CALR3: variants seen among roughly 807,000 people sequenced by gnomAD.
CALR3 encodes the protein calreticulin 3.
A neutral mutation model predicts 48.7 loss-of-function variants in CALR3; 39 were observed. The observed-to-expected ratio is 0.80, with a 90% CI of 0.62 to 1.05. The LOEUF is 1.05. CALR3 is among the 50% of genes least tolerant of loss of function. The probability of loss-of-function intolerance (pLI) is 0.00; values close to 1 mark genes in which losing one functional copy is unlikely to be tolerated. For synonymous variants in CALR3, 185 were observed against 172.7 expected, an observed-to-expected ratio of 1.07 and a Z score of -0.56; for missense variants, 449 against 474.7, an observed-to-expected ratio of 0.95 and a Z score of 0.50.
In CALR3 at chr19:16,482,476, C is replaced by A; in HGVS notation, c.892G>T (p.Gly298Cys). 1 of 1,614,228 alleles carries A rather than the reference C, an allele frequency of 6.2e-7. No homozygotes were observed. Among genetic ancestry groups the A allele is most frequent in the Non-Finnish European group, 8.5e-7 (1 of 1,180,032 alleles). ...QYDLSEFENI[G>C]AIGLELWQVR... ...TGCCAAAGCTCCAGGCCAATGGCAC[C>A]AATGTTCTCAAATTCTGAGAGGTCA... is the stretch of plus-strand genomic sequence containing the variant. Residue 298 changes from glycine to cysteine, a missense_variant, in exon 7 of 9, where the codon GGT (glycine) becomes TGT (cysteine). Physicochemically the swap from Gly to Cys is radical, Grantham distance 159 (BLOSUM62 -3). Transcript: ENST00000269881.
chr19:16,490,310 A>G, intron 3 of CALR3, 57 bp downstream of exon 3: 1 of 1,472,028 alleles, frequency 6.8e-7, no homozygotes, highest in Non-Finnish European at 9.5e-7. Context: ...AGATCCTGTG[A>G]AGTGGGAGGG....
intron 3 of CALR3, among the ~76,000 whole-genome samples, chr19:16,486,133 T>G (rs966689820): frequency 2.0e-5 from 3 of 151,746 alleles, no homozygotes; most frequent in Admixed American, 6.6e-5. Flanking sequence ...CTGGCCAACA[T>G]GGTAAAACCC....
Position 16,479,099 on chromosome 19 carries a change from T to C in CALR3, c.*32A>G. On this transcript the variant is annotated 3_prime_UTR_variant, in exon 9 of 9. Coordinates refer to ENST00000269881, the MANE Select transcript of CALR3 (RefSeq NM_145046.5). Reference sequence around the variant, plus strand: ...CATAGATTAAAGTAGCAATGAGATTTTACCAGTCATCCTTATATCCAATGG... The same window carrying C: ...CATAGATTAAAGTAGCAATGAGATTCTACCAGTCATCCTTATATCCAATGG... 1 of 1,612,860 alleles carries C rather than the reference T, an allele frequency of 6.2e-7. No homozygotes were observed. The highest frequency in any genetic ancestry group is 8.5e-7 in the Non-Finnish European group (1 of 1,178,888).
At chr19:16,489,521 A>C (rs2093394506) in intron 3 of CALR3, among the ~76,000 whole-genome samples, 1 of 152,108 alleles carries the variant, frequency 6.6e-6, no homozygotes, top group Non-Finnish European at 1.5e-5. Flanking sequence ...TGGGAGGCTG[A>C]AGCAGGTGAA....
intron 2 of CALR3, among the ~76,000 whole-genome samples, chr19:16,493,063 A>C (rs2093400506): frequency 6.6e-6 from 1 of 152,102 alleles, no homozygotes; most frequent in African/African-American, 2.4e-5. Context: ...AAAAACCTTG[A>C]GCAAGTTGTG....
At position 16,480,597 on chromosome 19, in the gene CALR3, A is replaced by T; in HGVS notation, c.1011+17T>A. On this transcript the variant is annotated intron_variant, in intron 8 of 8. Coordinates refer to ENST00000269881, the MANE Select transcript of CALR3 (RefSeq NM_145046.5). ...ATGAAATAGTGATGTAGGAAGAGTT[A>T]ATCACGTGCTTCATACCTTGGTTTC... is the stretch of plus-strand genomic sequence containing the variant. 1 of 1,540,448 alleles carries T rather than the reference A, an allele frequency of 6.5e-7. No homozygotes were observed. Among genetic ancestry groups the T allele is most frequent in the Non-Finnish European group, 9.0e-7 (1 of 1,112,914 alleles).
rs143252466 is a variant in CALR3, at chr19:16,482,687, G to T, written c.777C>A (p.Pro259=). The T allele has an allele frequency of 1.4e-5, 22 of 1,614,020 alleles. No individual in the cohort carries two copies. The African/African-American group carries it at 2.7e-4, about 20-fold the overall frequency. Residue 259 remains proline, a synonymous_variant, in exon 6 of 9, where the codon CCC becomes CCA. Coordinates refer to ENST00000269881, the MANE Select transcript of CALR3 (RefSeq NM_145046.5). ...GDWPAPMLQK[P]PYQDGLKPEG... is the part of the protein sequence containing the mutation. ...CAAAGAGGCCACACACCTGGTACGG[G>T]GGCTTCTGGAGCATCGGCGCTGGCC...
intron 5 of CALR3, among the ~76,000 whole-genome samples, chr19:16,483,321 C>T (rs945162082): frequency 1.3e-5 from 2 of 152,118 alleles, no homozygotes; most frequent in African/African-American, 4.8e-5. Flanking sequence ...GATTTTTCTC[C>T]CTAACCTGCC....
At chr19:16,482,384 AACAAAAC>A (rs1483224654) in intron 7 of CALR3, 59 bp downstream of exon 7, 98 of 1,437,766 alleles carry the variant, frequency 6.8e-5, no homozygotes, top group Non-Finnish European at 7.1e-5. Flanking sequence ...GTCTCAACAA[AACAAAAC>A]AAAACAAAAC....
intron 8 of CALR3, among the ~76,000 whole-genome samples, chr19:16,480,188 G>A (rs1224701091): frequency 4.1e-5 from 5 of 122,980 alleles, no homozygotes; most frequent in Admixed American, 9.5e-5. Context: ...GCGACAGAGC[G>A]AGACTCCGTC....
intron 7 of CALR3, among the ~76,000 whole-genome samples, chr19:16,481,396 G>A (rs1333556309): frequency 6.6e-6 from 1 of 151,282 alleles, no homozygotes; most frequent in Non-Finnish European, 1.5e-5. Flanking sequence ...TCCCTCTAAG[G>A]CACTGGTTCC....
At position 16,484,179 on chromosome 19, in the gene CALR3, T is replaced by TTA. The variant is rs760562255; in HGVS notation, c.493-65_493-64insTA. 15 of 281,742 alleles carry TTA rather than the reference T, an allele frequency of 5.3e-5. No homozygotes were observed. The East Asian group carries it at 1.3e-3, about 24-fold the overall frequency. The allele number at this position is 281,742 out of a possible 1,614,324, so 17.5% of individuals were successfully genotyped here. On this transcript the variant is annotated intron_variant, in intron 4 of 8. Transcript: ENST00000269881. The stretch of plus-strand genomic sequence containing the variant: ...TCAATTTCTTTTTTCTTTTCTTTTC[T>TTA]TTTTTTTTTTTTTTTTGAGATGGAG...
chr19:16,489,358 C>T (rs142973721), intron 3 of CALR3, among the ~76,000 whole-genome samples: 2 of 152,350 alleles, frequency 1.3e-5, no homozygotes, highest in East Asian at 3.9e-4. Context: ...GTGGCTCACG[C>T]CTGTAATCCC....
chr19:16,482,660 T>C lies in CALR3; in HGVS notation c.786+18A>G. Reference sequence around the variant, plus strand: ...CAGCCCTGGGGCATCCCTGGCATCATACAAAGAGGCCACACACCTGGTACG... The same window carrying C: ...CAGCCCTGGGGCATCCCTGGCATCACACAAAGAGGCCACACACCTGGTACG... On this transcript the variant is annotated intron_variant, in intron 6 of 8. Transcript: ENST00000269881. 6.2e-7 allele frequency: 1 copy of C among 1,614,116 alleles called. No homozygotes were observed. The highest frequency in any genetic ancestry group is 1.7e-5 in the Admixed American group (1 of 59,992).
At chr19:16,485,387 T>C in intron 3 of CALR3, 130 bp from the exon 4 acceptor site, 1 of 655,418 alleles carries the variant, frequency 1.5e-6, no homozygotes, top group South Asian at 1.6e-5. Flanking sequence ...TGCAGTGATC[T>C]TGGCTCACGG....
intron 2 of CALR3, among the ~76,000 whole-genome samples, chr19:16,494,304 C>T (rs532561931): frequency 5.1e-4 from 77 of 152,244 alleles, no homozygotes; most frequent in Non-Finnish European, 9.4e-4. Context: ...TCAAGTAATC[C>T]GCCTGCCTTG....
At chr19:16,490,809 G>A (rs2093396722) in intron 2 of CALR3, among the ~76,000 whole-genome samples, 1 of 151,890 alleles carries the variant, frequency 6.6e-6, no homozygotes, top group Non-Finnish European at 1.5e-5. Flanking sequence ...CCAGGCTGGA[G>A]TGCAATGGCG....
intron 3 of CALR3, among the ~76,000 whole-genome samples, chr19:16,488,407 A>G (rs530123885): frequency 6.6e-6 from 1 of 151,906 alleles, no homozygotes; most frequent in South Asian, 2.1e-4. Context: ...TTGGAAGTAC[A>G]TTCATTCTTT....
intron 3 of CALR3, among the ~76,000 whole-genome samples, chr19:16,489,213 G>A (rs1005687286): frequency 3.3e-5 from 5 of 152,202 alleles, no homozygotes; most frequent in African/African-American, 9.7e-5. Context: ...GGCCAGGCGT[G>A]GTGGCTCACG....
Sources: allele counts gnomAD v4.1 joint callset (sites outside exome capture counted in the v4.1 genomes callset), GRCh38; gene constraint gnomAD v4.1.1; transcripts MANE v1.5; gene names NCBI Gene and HGNC (gene_info 2026-07-23, HGNC 2026-07-21).